Variants in NPAS3 observed in about 807,000 individuals in gnomAD.
NPAS3 encodes the protein neuronal PAS domain-containing protein 3.
Under a neutral mutation model 73.1 loss-of-function variants are expected in NPAS3, and 14 were observed. That is an observed-to-expected ratio of 0.19 (90% CI 0.13 to 0.30). NPAS3 has a LOEUF of 0.30. Ranked by LOEUF, NPAS3 falls within the 10% of genes least tolerant of loss-of-function variation. NPAS3 has a pLI of 1.00. For missense variants in NPAS3, 1,096 were observed against 1,250.0 expected (o/e 0.88, Z 1.86); for synonymous variants, 620 against 541.5 (o/e 1.14, Z -2.01).
chr14:33,091,860 A>G (rs967303940), intron 2 of NPAS3, among the ~76,000 whole-genome samples: 3 of 152,152 alleles, frequency 2.0e-5, no homozygotes, highest in African/African-American at 7.2e-5. Context: ...AACAGAACCA[A>G]TGACAAAAAC....
chr14:33,175,805 A>G (rs776195180), intron 2 of NPAS3, among the ~76,000 whole-genome samples: 1 of 137,276 alleles, frequency 7.3e-6, no homozygotes, highest in African/African-American at 2.7e-5. Flanking sequence ...ATCTTAAAGT[A>G]TCCTAGTATT....
chr14:33,173,741 T>C (rs916967747), intron 2 of NPAS3, among the ~76,000 whole-genome samples: 1 of 152,212 alleles, frequency 6.6e-6, no homozygotes, highest in African/African-American at 2.4e-5. Flanking sequence ...CTTTTGTGTC[T>C]TTTTGATTTA....
intron 3 of NPAS3, among the ~76,000 whole-genome samples, chr14:33,304,100 G>T (rs1219179504): frequency 6.6e-6 from 1 of 152,002 alleles, no homozygotes; most frequent in African/African-American, 2.4e-5. Context: ...GTAAAGACGG[G>T]GTTCACTACC....
At chr14:33,589,135 T>G (rs1203202985) in intron 5 of NPAS3, among the ~76,000 whole-genome samples, 3 of 152,236 alleles carry the variant, frequency 2.0e-5, no homozygotes, top group Non-Finnish European at 2.9e-5. Context: ...TCTTTCAGTT[T>G]CTTTTTGAGA....
chr14:33,716,453 C>A (rs1249241330), intron 6 of NPAS3, among the ~76,000 whole-genome samples: 1 of 152,002 alleles, frequency 6.6e-6, no homozygotes, highest in African/African-American at 2.4e-5. Flanking sequence ...GTGTTCTAAT[C>A]CCTTTTTTGT....
At chr14:32,989,649 C>G (rs1470853132) in intron 1 of NPAS3, among the ~76,000 whole-genome samples, 1 of 134,368 alleles carries the variant, frequency 7.4e-6, no homozygotes, top group Admixed American at 7.0e-5. Flanking sequence ...TCTCAAACAA[C>G]AACAACAACA....
intron 2 of NPAS3, among the ~76,000 whole-genome samples, chr14:33,085,152 A>T (rs1258299577): frequency 2.0e-5 from 3 of 152,194 alleles, no homozygotes; most frequent in Non-Finnish European, 4.4e-5. Context: ...AGATTTGTCT[A>T]TTCCAAGATA....
At chr14:32,936,167 A>C (rs908043104), upstream of NPAS3, among the ~76,000 whole-genome samples, 1 of 152,220 alleles carries the variant, frequency 6.6e-6, no homozygotes, top group South Asian at 2.1e-4. Context: ...TATCACTGCC[A>C]TATTTTGTGC....
intron 1 of NPAS3, among the ~76,000 whole-genome samples, chr14:33,005,792 T>C (rs17099840): frequency 0.023 from 3,565 of 152,298 alleles, 102 homozygotes; most frequent in South Asian, 0.078. Context: ...TCGGCTTTCA[T>C]GATAGCACTT....
chr14:33,215,753 G>A (rs916154405), intron 3 of NPAS3, among the ~76,000 whole-genome samples: 1 of 152,108 alleles, frequency 6.6e-6, no homozygotes, highest in Non-Finnish European at 1.5e-5. Flanking sequence ...TTCTTCATGA[G>A]TGGGGTATGG....
chr14:33,134,020 G>T (rs753597782), intron 2 of NPAS3, among the ~76,000 whole-genome samples: 5 of 152,032 alleles, frequency 3.3e-5, no homozygotes, highest in Non-Finnish European at 4.4e-5. Context: ...GGTAAAGTTC[G>T]CTTTCTATAA....
intron 6 of NPAS3, among the ~76,000 whole-genome samples, chr14:33,685,692 T>G (rs1337721076): frequency 6.6e-6 from 1 of 152,254 alleles, no homozygotes; most frequent in Non-Finnish European, 1.5e-5. Flanking sequence ...CTTTGTCTAC[T>G]CCAAGTATAA....
intron 2 of NPAS3, among the ~76,000 whole-genome samples, chr14:33,085,739 A>G (rs949497384): frequency 1.3e-5 from 2 of 152,210 alleles, no homozygotes; most frequent in African/African-American, 2.4e-5. Flanking sequence ...AAATATAGTA[A>G]GATACAACCA....
At chr14:33,073,819 A>G (rs2041566362) in intron 2 of NPAS3, among the ~76,000 whole-genome samples, 2 of 152,208 alleles carry the variant, frequency 1.3e-5, no homozygotes, top group African/African-American at 2.4e-5. Context: ...CTGTGTTTGC[A>G]TGGAGTGGAT....
intron 3 of NPAS3, among the ~76,000 whole-genome samples, chr14:33,335,037 TGTGTGC>T (rs755476591): frequency 0.015 from 1,902 of 126,086 alleles, 37 homozygotes; most frequent in African/African-American, 0.053. Context: ...CCATTGTGTG[TGTGTGC>T]GTGTGTGTGT....
intron 6 of NPAS3, among the ~76,000 whole-genome samples, chr14:33,708,182 T>C (rs1232275420): frequency 2.0e-5 from 3 of 152,138 alleles, no homozygotes; most frequent in Non-Finnish European, 2.9e-5. Context: ...CACCCAGCCC[T>C]GGGACAGTGA....
chr14:33,783,949 C>T (rs1432735620), intron 9 of NPAS3, among the ~76,000 whole-genome samples: 1 of 152,158 alleles, frequency 6.6e-6, no homozygotes, highest in Non-Finnish European at 1.5e-5. Flanking sequence ...TTTTCTTTTC[C>T]TCTCAAATTG....
At chr14:33,217,374 T>C (rs2047264202) in intron 3 of NPAS3, among the ~76,000 whole-genome samples, 3 of 152,220 alleles carry the variant, frequency 2.0e-5, no homozygotes, top group Admixed American at 6.5e-5. Context: ...ATAATTGTGA[T>C]AAATATACAT....
intron 3 of NPAS3, among the ~76,000 whole-genome samples, chr14:33,296,656 T>C (rs1359633740): frequency 6.6e-6 from 1 of 152,212 alleles, no homozygotes; most frequent in Admixed American, 6.5e-5. Context: ...AAAGCCTGCA[T>C]AGAAATTTGG....
Sources: allele counts gnomAD v4.1 joint callset (sites outside exome capture counted in the v4.1 genomes callset), GRCh38; gene constraint gnomAD v4.1.1; transcripts MANE v1.5; gene names NCBI Gene and HGNC (gene_info 2026-07-23, HGNC 2026-07-21).